The following EEIG2 variants were observed in gnomAD, a reference collection of about 807,000 sequenced individuals.
EEIG2 encodes the protein family with sequence similarity 102 member B.
chr1:108,560,481 T>C, the EEIG2 span: 1 of 1,613,018 alleles, frequency 6.2e-7, no homozygotes, highest in Non-Finnish European at 8.5e-7. Context: ...CTCGAGGAGC[T>C]CTCCTCAGTG....
chr1:108,615,517 A>C, the EEIG2 span, among the ~76,000 whole-genome samples: 1 of 150,708 alleles, frequency 6.6e-6, no homozygotes, highest in Non-Finnish European at 1.5e-5. Context: ...ACTCACACCT[A>C]TAATCCTAGC....
At chr1:108,585,151 A>G in the EEIG2 span, among the ~76,000 whole-genome samples, 1 of 152,176 alleles carries the variant, frequency 6.6e-6, no homozygotes, top group South Asian at 2.1e-4. Flanking sequence ...TGAAGCAACT[A>G]GGAACTCAGT....
At chr1:108,576,422 A>G in the EEIG2 span, among the ~76,000 whole-genome samples, 12 of 135,278 alleles carry the variant, frequency 8.9e-5, no homozygotes, top group African/African-American at 2.8e-4. Context: ...CATTAGGTAT[A>G]TCTCCCAATG....
the EEIG2 span, chr1:108,629,713 C>G: frequency 1.5e-6 from 2 of 1,341,352 alleles, no homozygotes; most frequent in South Asian, 1.2e-5. Context: ...TTAAAAAAAT[C>G]ATGAGTAGAG....
At chr1:108,599,718 G>C in the EEIG2 span, among the ~76,000 whole-genome samples, 8 of 152,164 alleles carry the variant, frequency 5.3e-5, no homozygotes, top group Non-Finnish European at 1.2e-4. Context: ...TCTTTAAAGT[G>C]ACGAGGCTCA....
the EEIG2 span, among the ~76,000 whole-genome samples, chr1:108,617,842 C>T: frequency 2.0e-5 from 3 of 152,176 alleles, no homozygotes; most frequent in South Asian, 2.1e-4. Flanking sequence ...CTGTGTCACA[C>T]GCTGCTGGAG....
chr1:108,603,637 C>T, the EEIG2 span, among the ~76,000 whole-genome samples: 1 of 151,836 alleles, frequency 6.6e-6, no homozygotes, highest in South Asian at 2.1e-4. Flanking sequence ...GACTACATGA[C>T]CAAAAATCAA....
the EEIG2 span, among the ~76,000 whole-genome samples, chr1:108,577,779 C>T: frequency 5.1e-5 from 7 of 137,472 alleles, no homozygotes; most frequent in East Asian, 8.7e-4. Flanking sequence ...CTTGGCGATG[C>T]GGGCTCTTTT....
chr1:108,571,330 T>C, the EEIG2 span, among the ~76,000 whole-genome samples: 2 of 152,156 alleles, frequency 1.3e-5, no homozygotes, highest in Non-Finnish European at 2.9e-5. Context: ...AGGGGTACAA[T>C]ACAGCTAGTG....
the EEIG2 span, among the ~76,000 whole-genome samples, chr1:108,604,076 T>G: frequency 6.6e-6 from 1 of 152,142 alleles, no homozygotes; most frequent in Admixed American, 6.5e-5. Flanking sequence ...ATCAAAGATA[T>G]CGAACCACAG....
chr1:108,578,906 AC>A, the EEIG2 span, among the ~76,000 whole-genome samples: 1 of 127,862 alleles, frequency 7.8e-6, no homozygotes, highest in Admixed American at 8.4e-5. Flanking sequence ...TTTTGTCACC[AC>A]CAGGCCTGCC....
chr1:108,628,482 T>C, the EEIG2 span: 7 of 1,613,968 alleles, frequency 4.3e-6, no homozygotes, highest in South Asian at 4.4e-5. Flanking sequence ...TCAACAGGAG[T>C]TGAAAGTATT....
chr1:108,612,468 A>G, the EEIG2 span, among the ~76,000 whole-genome samples: 2 of 152,242 alleles, frequency 1.3e-5, no homozygotes, highest in African/African-American at 4.8e-5. Context: ...AATGCAGTGA[A>G]AAGTAACAAA....
chr1:108,616,708 A>G, the EEIG2 span, among the ~76,000 whole-genome samples: 1 of 152,162 alleles, frequency 6.6e-6, no homozygotes, highest in African/African-American at 2.4e-5. Flanking sequence ...TTCTGTGAAC[A>G]TATTCATTTC....
chr1:108,575,588 A>G, the EEIG2 span, among the ~76,000 whole-genome samples: 1 of 152,246 alleles, frequency 6.6e-6, no homozygotes, highest in South Asian at 2.1e-4. Flanking sequence ...TGAAAGGATA[A>G]ATGAAACCTG....
At chr1:108,593,827 A>AT in the EEIG2 span, among the ~76,000 whole-genome samples, 1 of 152,112 alleles carries the variant, frequency 6.6e-6, no homozygotes, top group African/African-American at 2.4e-5. Context: ...GTTTTTTGAG[A>AT]TAAAGCCTCG....
the EEIG2 span, among the ~76,000 whole-genome samples, chr1:108,592,543 C>A: frequency 6.6e-6 from 1 of 152,186 alleles, no homozygotes; most frequent in Non-Finnish European, 1.5e-5. Flanking sequence ...CAGTCTACTA[C>A]TTGGGAGGCA....
the EEIG2 span, among the ~76,000 whole-genome samples, chr1:108,603,094 T>C: frequency 6.6e-6 from 1 of 152,086 alleles, no homozygotes; most frequent in Non-Finnish European, 1.5e-5. Context: ...AGACATAATA[T>C]CCAAAACAGC....
the EEIG2 span, among the ~76,000 whole-genome samples, chr1:108,589,138 G>A: frequency 6.6e-6 from 1 of 151,938 alleles, no homozygotes; most frequent in Non-Finnish European, 1.5e-5. Context: ...CCTGTTCAGG[G>A]CCAGTCCCCC....
Sources: allele counts gnomAD v4.1 joint callset (sites outside exome capture counted in the v4.1 genomes callset), GRCh38; gene constraint gnomAD v4.1.1; transcripts MANE v1.5; gene names NCBI Gene and HGNC (gene_info 2026-07-23, HGNC 2026-07-21).